The following RBFOX1 variants were observed in gnomAD, a reference collection of about 807,000 sequenced individuals.
The protein encoded by RBFOX1 is RNA binding fox-1 homolog 1.
A neutral mutation model predicts 57.7 loss-of-function variants in RBFOX1; 8 were observed. The observed-to-expected ratio is 0.14, with a 90% confidence interval of 0.08 to 0.25. The LOEUF (loss-of-function observed/expected upper bound fraction) is 0.25. Among genes scored for constraint, RBFOX1 ranks in the 10% least tolerant of loss-of-function variants. The pLI, the probability that RBFOX1 is intolerant of heterozygous loss-of-function variation, is 1.00. For missense variants in RBFOX1, 611 were observed against 548.5 expected, an observed-to-expected ratio of 1.11 and a Z score of -1.14; for synonymous variants, 326 against 222.4, an observed-to-expected ratio of 1.47 and a Z score of -4.15.
At chr16:5,727,233 C>G (rs2052185673) in intron 3 of RBFOX1, among the ~76,000 whole-genome samples, 1 of 151,686 alleles carries the variant, frequency 6.6e-6, no homozygotes, top group African/African-American at 2.4e-5. Context: ...GATTGTGCCA[C>G]TGCACTCCAG....
chr16:6,829,321 T>C (rs1455323078), intron 3 of RBFOX1, among the ~76,000 whole-genome samples: 1 of 150,950 alleles, frequency 6.6e-6, no homozygotes, highest in Admixed American at 6.6e-5. Context: ...CATAAATACA[T>C]ATATAAGGAG....
In RBFOX1 at chr16:6,081,548, C is replaced by T. The variant is rs547337834; in HGVS notation, c.-127+61556C>T. ...TGTTGCTCTCTGCTGCCCCCTGTTG[C>T]TCATGAATGGGAACAGCTGGTTTTC... On this transcript the variant is annotated intron_variant, in intron 1 of 15. Transcript: ENST00000550418. 1.4e-4 allele frequency among the ~76,000 whole-genome samples: 21 copies of T among 152,312 alleles called. No homozygotes were observed. In the South Asian group the frequency reaches 4.4e-3, roughly 32 times the overall value.
At chr16:7,188,253 T>C (rs996615007) in intron 4 of RBFOX1, among the ~76,000 whole-genome samples, 1 of 152,344 alleles carries the variant, frequency 6.6e-6, no homozygotes, top group South Asian at 2.1e-4. Context: ...AGTCCATGGC[T>C]GCAGAGATGG....
intron 3 of RBFOX1, among the ~76,000 whole-genome samples, chr16:5,638,420 G>A (rs1567331291): frequency 1.3e-5 from 2 of 152,158 alleles, no homozygotes; most frequent in Non-Finnish European, 2.9e-5. Flanking sequence ...CTTCTGGGGA[G>A]TAACCATGAT....
intron 4 of RBFOX1, among the ~76,000 whole-genome samples, chr16:5,991,332 C>G (rs1343533647): frequency 2.0e-5 from 3 of 152,192 alleles, no homozygotes; most frequent in Admixed American, 6.5e-5. Context: ...CCTTCCCTTC[C>G]TTTCCCTTGC....
In RBFOX1 at chr16:7,320,420, A is replaced by G. The variant is rs146359457; in HGVS notation, c.28-197727A>G. On this transcript the variant is annotated intron_variant, in intron 4 of 15. Coordinates refer to ENST00000550418, the MANE Select transcript of RBFOX1 (RefSeq NM_018723.4). ...AAAAGACATGATCTCATCCTTTTTT[A>G]TGGCTGCATAGTATTCCATGGTGGG... 4.8e-3 allele frequency among the ~76,000 whole-genome samples: 724 copies of G among 152,208 alleles called. 7 individuals are homozygous for G. The Middle Eastern group carries it at 0.072, about 15-fold the overall frequency.
intron 2 of RBFOX1, among the ~76,000 whole-genome samples, chr16:5,586,906 T>G (rs2046849417): frequency 6.6e-6 from 1 of 152,232 alleles, no homozygotes; most frequent in Admixed American, 6.5e-5. Flanking sequence ...GCTGCTCTGT[T>G]CTGCTGGCAG....
chr16:6,562,469 C>G (rs73537280), intron 2 of RBFOX1, among the ~76,000 whole-genome samples: 16,321 of 152,212 alleles, frequency 0.11, 2,669 homozygotes, highest in African/African-American at 0.35. Flanking sequence ...GCTGTGCTGG[C>G]ATACAGGAGG....
chr16:6,950,419 C>G (rs191032732), intron 3 of RBFOX1, among the ~76,000 whole-genome samples: 65 of 152,216 alleles, frequency 4.3e-4, no homozygotes, highest in African/African-American at 1.3e-3. Context: ...GCACTGAGAA[C>G]AGGGTAATGA....
At chr16:7,629,220 G>C (rs1345590934) in intron 10 of RBFOX1, among the ~76,000 whole-genome samples, 3 of 152,108 alleles carry the variant, frequency 2.0e-5, no homozygotes, top group Non-Finnish European at 1.5e-5. Flanking sequence ...GAGTGAGATG[G>C]GTTAGAAAGA....
intron 1 of RBFOX1, chr16:5,261,155 C>G (rs186775026): frequency 1.5e-3 from 225 of 152,346 alleles, no homozygotes; most frequent in African/African-American, 5.0e-3. Context: ...AGGGCATTAG[C>G]ACGTCTACTT....
At chr16:7,223,889 A>C (rs1431140826) in intron 4 of RBFOX1, among the ~76,000 whole-genome samples, 3 of 151,934 alleles carry the variant, frequency 2.0e-5, no homozygotes, top group Non-Finnish European at 4.4e-5. Context: ...CTGGTTGGTG[A>C]GCATACCTTA....
At chr16:7,167,460 G>C (rs2079804576) in intron 4 of RBFOX1, among the ~76,000 whole-genome samples, 1 of 152,098 alleles carries the variant, frequency 6.6e-6, no homozygotes, top group Non-Finnish European at 1.5e-5. Flanking sequence ...AGAGCTAAGA[G>C]TGATGCAGCC....
intron 1 of RBFOX1, among the ~76,000 whole-genome samples, chr16:5,290,882 A>T (rs566601605): frequency 6.6e-6 from 1 of 152,022 alleles, no homozygotes; most frequent in South Asian, 2.1e-4. Context: ...GATATTTAGT[A>T]GAGATGGGGT....
chr16:6,622,112 A>G (rs1269514943), intron 2 of RBFOX1, among the ~76,000 whole-genome samples: 1 of 152,190 alleles, frequency 6.6e-6, no homozygotes, highest in Non-Finnish European at 1.5e-5. Flanking sequence ...GTTTTACTGA[A>G]TTATTGGCAT....
intron 4 of RBFOX1, among the ~76,000 whole-genome samples, chr16:7,387,844 A>T (rs528824060): frequency 6.6e-6 from 1 of 151,928 alleles, no homozygotes; most frequent in Admixed American, 6.5e-5. Flanking sequence ...CGTCTCTGGA[A>T]TTCTTTGATT....
intron 4 of RBFOX1, among the ~76,000 whole-genome samples, chr16:7,243,095 G>A (rs559528706): frequency 2.4e-4 from 36 of 152,026 alleles, no homozygotes; most frequent in Middle Eastern, 3.4e-3. Context: ...TTAGCTGAAC[G>A]TTTTAGGAAT....
At chr16:6,466,650 G>A (rs913870309) in intron 2 of RBFOX1, among the ~76,000 whole-genome samples, 2 of 152,174 alleles carry the variant, frequency 1.3e-5, no homozygotes, top group African/African-American at 4.8e-5. Context: ...GATAAAGAAT[G>A]TATGTGACAT....
Position 6,031,650 on chromosome 16 carries a change from T to C in RBFOX1, c.-127+11658T>C, listed in dbSNP as rs543826894. Among the ~76,000 whole-genome samples the C allele has an allele frequency of 1.6e-4, 24 of 152,252 alleles. 1 individual carries two copies. The South Asian group carries it at 2.9e-3, about 18-fold the overall frequency. Reference sequence around the variant, plus strand: ...ACGTGTGTGTATGTATGTACATGCATGTATGTGGCATGCGCATACGTGCAT... The same window carrying C: ...ACGTGTGTGTATGTATGTACATGCACGTATGTGGCATGCGCATACGTGCAT... On this transcript the variant is annotated intron_variant, in intron 1 of 15. Transcript: ENST00000550418.
Sources: gnomAD v4.1 joint callset for allele counts (sites outside exome capture counted in the v4.1 genomes callset) on GRCh38, gnomAD v4.1.1 for gene constraint, MANE v1.5 for transcripts, NCBI Gene and HGNC (gene_info 2026-07-23, HGNC 2026-07-21) for gene names.